TDRD10: variants seen among roughly 807,000 people sequenced by gnomAD.
The protein encoded by TDRD10 is tudor domain containing 10, also known as tudor domain-containing protein 10.
In TDRD10, 40 loss-of-function variants were observed where a neutral mutation model predicts 48.0. The ratio of observed to expected loss-of-function variants is 0.83; its 90% CI spans 0.65 to 1.09. The LOEUF is 1.09. Among genes scored for constraint, TDRD10 ranks in the 50% least tolerant of loss-of-function variants. The probability of loss-of-function intolerance (pLI) is 0.00; values close to 1 mark genes in which losing one functional copy is unlikely to be tolerated. For synonymous variants in TDRD10, 162 were observed against 170.4 expected (o/e 0.95, Z 0.38); for missense variants, 378 against 434.7 (o/e 0.87, Z 1.16).
At chr1:154,513,855 A>G (rs1693609216) in intron 4 of TDRD10, among the ~76,000 whole-genome samples, 1 of 152,204 alleles carries the variant, frequency 6.6e-6, no homozygotes. Flanking sequence ...TCAGTCACGG[A>G]AAAATTAAAG....
intron 4 of TDRD10, among the ~76,000 whole-genome samples, chr1:154,516,925 C>T (rs1478851666): frequency 1.3e-5 from 2 of 151,986 alleles, no homozygotes; most frequent in Non-Finnish European, 2.9e-5. Flanking sequence ...CCAGCCTGAG[C>T]AACAGAGCCA....
At chr1:154,521,758 T>C (rs1271163258) in intron 6 of TDRD10, among the ~76,000 whole-genome samples, 1 of 152,242 alleles carries the variant, frequency 6.6e-6, no homozygotes, top group Non-Finnish European at 1.5e-5. Flanking sequence ...ACCTGGAATA[T>C]TGAAACTTAG....
chr1:154,515,411 T>A (rs1570911648), intron 4 of TDRD10, among the ~76,000 whole-genome samples: 2 of 152,320 alleles, frequency 1.3e-5, no homozygotes, highest in African/African-American at 4.8e-5. Context: ...AAGCCTCCAG[T>A]GGCTTCCCTT....
At chr1:154,542,920 A>T (rs941615326) in intron 8 of TDRD10, 99 bp downstream of exon 8, 2 of 942,902 alleles carry the variant, frequency 2.1e-6, no homozygotes, top group Admixed American at 2.5e-5. Flanking sequence ...GGTGGGGGAT[A>T]GTTTTCGGGA....
chr1:154,533,052 T>C (rs1174933348), intron 6 of TDRD10, among the ~76,000 whole-genome samples: 1 of 152,150 alleles, frequency 6.6e-6, no homozygotes, highest in Non-Finnish European at 1.5e-5. Flanking sequence ...TGGTTTCTAT[T>C]GACACCCAGG....
chr1:154,521,092 G>A (rs1282249633), intron 5 of TDRD10, among the ~76,000 whole-genome samples: 1 of 152,194 alleles, frequency 6.6e-6, no homozygotes, highest in African/African-American at 2.4e-5. Flanking sequence ...GACATACGAT[G>A]CATAGTGAAA....
chr1:154,548,040 C>A lies in TDRD10; in HGVS notation c.*330C>A, dbSNP rs1369694086. On this transcript the variant is annotated 3_prime_UTR_variant, in exon 13 of 13. Coordinates refer to ENST00000368482, the MANE Select transcript of TDRD10 (RefSeq NM_182499.4). ...CAGAGCATGATATAAGTGGTCCTAA[C>A]AGATTCTGGATAATGGAGAAGCCCT... The A allele has an allele frequency of 2.6e-6, 1 of 390,632 alleles. No homozygotes were observed. Among genetic ancestry groups the A allele is most frequent in the Admixed American group, 4.2e-5 (1 of 23,708 alleles). 24.2% of individuals were successfully genotyped at this position (390,632 alleles called of 1,614,324 possible).
intron 6 of TDRD10, among the ~76,000 whole-genome samples, chr1:154,532,408 C>T (rs1358466953): frequency 6.6e-6 from 1 of 152,216 alleles, no homozygotes; most frequent in Non-Finnish European, 1.5e-5. Flanking sequence ...AGAACTCTAG[C>T]TGTCCTGCAA....
At chr1:154,514,575 T>G (rs968481976) in intron 4 of TDRD10, among the ~76,000 whole-genome samples, 2 of 152,122 alleles carry the variant, frequency 1.3e-5, no homozygotes, top group African/African-American at 4.8e-5. Flanking sequence ...TAACAAAAAG[T>G]TACCTCCATC....
chr1:154,521,469 G>T lies in TDRD10; in HGVS notation c.359G>T (p.Arg120Leu). 1 of 1,613,576 alleles carries T rather than the reference G, an allele frequency of 6.2e-7. No homozygotes were observed. Among genetic ancestry groups the T allele is most frequent in the Non-Finnish European group, 8.5e-7 (1 of 1,179,962 alleles). The change falls in exon 6 of 13, where the codon CGG becomes CTG. Residue 120 changes from arginine to leucine, a missense_variant. Physicochemically the swap from Arg to Leu is moderately radical, Grantham distance 102. Around this residue, in one of 2 missense-constraint regions of TDRD10, gnomAD observed 310 missense variants for 323.6 expected, o/e 0.96. Transcript: ENST00000368482. The stretch of plus-strand genomic sequence containing the variant: ...ACCCCTGATATGATCCAGCAGCCTC[G>T]GGCCCCGCTGGTATGTCTTCTGGCC... ...KRTPDMIQQP[R>L]APLVLEKASG... is the part of the protein sequence containing the mutation.
intron 6 of TDRD10, among the ~76,000 whole-genome samples, chr1:154,533,895 T>TA (rs1557830041): frequency 6.1e-4 from 21 of 34,660 alleles, no homozygotes; most frequent in African/African-American, 1.1e-3. Context: ...ATATATATAT[T>TA]TTTTTTTAAT....
At chr1:154,546,231 GC>G (rs1695558391) in intron 11 of TDRD10, among the ~76,000 whole-genome samples, 1 of 146,368 alleles carries the variant, frequency 6.8e-6, no homozygotes, top group African/African-American at 2.5e-5. Flanking sequence ...GTGCTACTAC[GC>G]CTGGCTAATT....
At chr1:154,506,338 T>C (rs1557811256) in intron 1 of TDRD10, among the ~76,000 whole-genome samples, 2 of 151,708 alleles carry the variant, frequency 1.3e-5, no homozygotes, top group African/African-American at 2.4e-5. Context: ...GTCCTTCTTA[T>C]ATCACATCAC....
chr1:154,544,590 C>T, intron 10 of TDRD10, 73 bp downstream of exon 10: 2 of 1,542,532 alleles, frequency 1.3e-6, no homozygotes, highest in Non-Finnish European at 1.7e-6. Flanking sequence ...GCATTCTCTT[C>T]CTTTGGGCTC....
At chr1:154,519,488 G>C (rs555661215) in intron 4 of TDRD10, among the ~76,000 whole-genome samples, 41 of 152,270 alleles carry the variant, frequency 2.7e-4, no homozygotes, top group Non-Finnish European at 5.0e-4. Context: ...AGGAAGTATT[G>C]AGGGGTGCAG....
intron 4 of TDRD10, chr1:154,509,669 T>C (rs1693336481): frequency 4.0e-6 from 1 of 247,288 alleles, no homozygotes; most frequent in African/African-American, 2.3e-5. Context: ...GAAAATGTTA[T>C]TGGAGCATAG....
chr1:154,527,547 G>T (rs1264817884), intron 6 of TDRD10, among the ~76,000 whole-genome samples: 1 of 152,126 alleles, frequency 6.6e-6, no homozygotes, highest in Non-Finnish European at 1.5e-5. Flanking sequence ...AAATGTAGCA[G>T]AATATCTTTA....
chr1:154,539,035 G>A (rs965099186), intron 6 of TDRD10, among the ~76,000 whole-genome samples: 1 of 152,136 alleles, frequency 6.6e-6, no homozygotes, highest in Non-Finnish European at 1.5e-5. Context: ...CTCCTGTTCT[G>A]CAGATGTGAA....
At chr1:154,532,636 T>C (rs1196467973) in intron 6 of TDRD10, among the ~76,000 whole-genome samples, 1 of 152,172 alleles carries the variant, frequency 6.6e-6, no homozygotes, top group Non-Finnish European at 1.5e-5. Flanking sequence ...CTGTCGCCTC[T>C]CATTTTTTTC....
Sources: gnomAD v4.1 joint callset for allele counts (sites outside exome capture counted in the v4.1 genomes callset) on GRCh38, gnomAD v4.1.1 for gene constraint, gnomAD v4.1.1 regional missense constraint, MANE v1.5 for transcripts, NCBI Gene and HGNC (gene_info 2026-07-23, HGNC 2026-07-21) for gene names.